Variants in PAMR1 observed in about 807,000 individuals in gnomAD.
The protein encoded by PAMR1 is inactive serine protease PAMR1.
In PAMR1, 88 loss-of-function variants were observed where a neutral mutation model predicts 81.8. That is an observed-to-expected ratio of 1.08 (90% CI 0.91 to 1.28). PAMR1 has a LOEUF of 1.28. Ranked by LOEUF, PAMR1 falls within the 50% of genes most tolerant of loss-of-function variation. The pLI, the probability that PAMR1 is intolerant of heterozygous loss-of-function variation, is 0.00. For missense variants in PAMR1, 935 were observed against 919.7 expected (o/e 1.02, Z -0.21); for synonymous variants, 336 against 345.3 (o/e 0.97, Z 0.30).
intron 1 of PAMR1, among the ~76,000 whole-genome samples, chr11:35,495,686 C>A (rs1361436559): frequency 1.3e-5 from 2 of 152,176 alleles, no homozygotes; most frequent in African/African-American, 2.4e-5. Flanking sequence ...TGAATTCTAG[C>A]ACCTGCAGTG....
chr11:35,526,439 C>T (rs1851392011), upstream of PAMR1, among the ~76,000 whole-genome samples: 5 of 152,176 alleles, frequency 3.3e-5, no homozygotes, highest in South Asian at 1.0e-3. Flanking sequence ...TACAAGATAG[C>T]AAGTGACATC....
At chr11:35,525,276 C>T (rs1055217119) in intron 1 of PAMR1, among the ~76,000 whole-genome samples, 6 of 152,252 alleles carry the variant, frequency 3.9e-5, no homozygotes, top group African/African-American at 1.4e-4. Flanking sequence ...TACAGCCCCA[C>T]GATTTGGGAT....
Position 35,432,911 on chromosome 11 carries a change from G to C in PAMR1, c.1627-19C>G, listed in dbSNP as rs1235171527. The C allele has an allele frequency of 6.5e-7, 1 of 1,547,096 alleles. No individual in the cohort carries two copies. Among genetic ancestry groups the C allele is most frequent in the Non-Finnish European group, 8.7e-7 (1 of 1,149,716 alleles). On this transcript the variant is annotated intron_variant, in intron 10 of 10. Coordinates refer to ENST00000619888, the MANE Select transcript of PAMR1 (RefSeq NM_001001991.3). Reference sequence around the variant, plus strand: ...CAGAAATCTACAAATGCAAGGAATGGGCAGCAATGGTGAGGAGCCAGCTCC... The same window carrying C: ...CAGAAATCTACAAATGCAAGGAATGCGCAGCAATGGTGAGGAGCCAGCTCC...
chr11:35,493,075 TC>T (rs1850659701), intron 2 of PAMR1, among the ~76,000 whole-genome samples: 1 of 152,092 alleles, frequency 6.6e-6, no homozygotes, highest in Non-Finnish European at 1.5e-5. Flanking sequence ...GTTCTTCCCT[TC>T]CCTCTCCTAT....
At chr11:35,494,295 G>A (rs1322885803) in intron 1 of PAMR1, 23 bp from the exon 2 acceptor site, 6 of 1,603,828 alleles carry the variant, frequency 3.7e-6, no homozygotes, top group Non-Finnish European at 5.1e-6. Flanking sequence ...ACCAGCAGGT[G>A]AGGCTAGGTC....
intron 1 of PAMR1, among the ~76,000 whole-genome samples, chr11:35,513,076 C>T (rs1216604670): frequency 6.6e-6 from 1 of 152,216 alleles, no homozygotes; most frequent in Non-Finnish European, 1.5e-5. Context: ...CAATCATGCT[C>T]TGAGTCTTAT....
At chr11:35,507,314 T>C (rs769394538) in intron 1 of PAMR1, among the ~76,000 whole-genome samples, 9 of 152,132 alleles carry the variant, frequency 5.9e-5, no homozygotes, top group Non-Finnish European at 1.0e-4. Context: ...CCCAAAGCAC[T>C]GGGATTACAC....
rs1382150045 is a variant in PAMR1 at position 35,492,250 on chromosome 11, C to T, written c.251-77G>A. The T allele has an allele frequency of 1.5e-5, 23 of 1,512,042 alleles. No homozygotes were observed. In the South Asian group the frequency reaches 2.4e-4, roughly 16 times the overall value. 93.7% of individuals were successfully genotyped at this position (1,512,042 alleles called of 1,614,324 possible). On this transcript the variant is annotated intron_variant, in intron 2 of 10. Transcript: ENST00000619888. ...GATCAGCTGCATGGGAGCACAACTGCACCTTCTCAGGGCCCTGTCTCAACT... is the reference window on the plus strand; with the variant it reads ...GATCAGCTGCATGGGAGCACAACTGTACCTTCTCAGGGCCCTGTCTCAACT...
intron 8 of PAMR1, among the ~76,000 whole-genome samples, chr11:35,437,527 C>A (rs1856077367): frequency 6.6e-6 from 1 of 152,214 alleles, no homozygotes; most frequent in Admixed American, 6.5e-5. Flanking sequence ...CCTGAACTTG[C>A]AAACAAACTC....
rs145222740 is a variant in PAMR1, at chr11:35,432,701, G to T, written c.1818C>A (p.Asp606Glu). 1.4e-5 allele frequency: 22 copies of T among 1,613,624 alleles called. No individual in the cohort carries two copies. The African/African-American group carries it at 2.5e-4, about 19-fold the overall frequency. Residue 606 changes from aspartate (D) to glutamate (E), a missense_variant, in exon 11 of 11, where the codon GAC becomes GAA. Physicochemically the swap from Asp to Glu is conservative, Grantham distance 45 (BLOSUM62 2). Coordinates refer to ENST00000619888, the MANE Select transcript of PAMR1 (RefSeq NM_001001991.3). ...CGTTCTTGAAGCCAGGGCTCCTCAC[G>T]TCTGCCAGGACATTCCAGCCAGCCA... ...ITVAGWNVLA[D>E]VRSPGFKNDT...
At chr11:35,508,376 T>C (rs894603920) in intron 1 of PAMR1, among the ~76,000 whole-genome samples, 21 of 152,154 alleles carry the variant, frequency 1.4e-4, no homozygotes, top group Admixed American at 1.3e-3. Flanking sequence ...TCTGTGGCCC[T>C]TGAAACTCAG....
chr11:35,443,496 A>C (rs1425125804), intron 6 of PAMR1, among the ~76,000 whole-genome samples: 4 of 152,172 alleles, frequency 2.6e-5, no homozygotes, highest in African/African-American at 9.7e-5. Context: ...TGCTGAGGAT[A>C]ATGGCTTCTA....
intron 6 of PAMR1, among the ~76,000 whole-genome samples, chr11:35,456,267 TG>T (rs1856530672): frequency 6.6e-6 from 1 of 152,206 alleles, no homozygotes; most frequent in Non-Finnish European, 1.5e-5. Flanking sequence ...GGTCCTTAGA[TG>T]AATTTGAATG....
At chr11:35,491,099 C>T (rs957563374) in intron 3 of PAMR1, among the ~76,000 whole-genome samples, 1 of 152,166 alleles carries the variant, frequency 6.6e-6, no homozygotes, top group African/African-American at 2.4e-5. Flanking sequence ...AAATCAGCAA[C>T]GAAGACCAAC....
intron 4 of PAMR1, 115 bp from the exon 5 acceptor site, chr11:35,470,933 G>C (rs951676289): frequency 4.2e-6 from 3 of 711,946 alleles, no homozygotes; most frequent in Non-Finnish European, 7.3e-6. Flanking sequence ...GGTGTCACTG[G>C]CCTGATCGGA....
In PAMR1 at chr11:35,432,420, C is replaced by T. The variant is rs1449948652; in HGVS notation, c.2099G>A (p.Arg700Lys). 6.2e-7 allele frequency: 1 copy of T among 1,614,138 alleles called. No homozygotes were observed. The highest frequency in any genetic ancestry group is 2.2e-5 in the East Asian group (1 of 44,886). The change falls in exon 11 of 11, where the codon AGG becomes AAG. Residue 700 changes from arginine to lysine, a missense_variant. Transcript: ENST00000619888. ...SWSYDKTCSH[R>K]LSTAFTKVLP... Reference sequence around the variant, plus strand: ...CACCTTGGTGAAGGCAGTGGAGAGCCTGTGGCTGCATGTTTTATCATAGCT... The same window carrying T: ...CACCTTGGTGAAGGCAGTGGAGAGCTTGTGGCTGCATGTTTTATCATAGCT...
chr11:35,455,735 C>T (rs1037829288), intron 6 of PAMR1, among the ~76,000 whole-genome samples: 1 of 152,026 alleles, frequency 6.6e-6, no homozygotes, highest in Non-Finnish European at 1.5e-5. Flanking sequence ...TTAATGAGTG[C>T]CTCCTCTGTG....
At chr11:35,443,750 T>A (rs1011066612) in intron 6 of PAMR1, among the ~76,000 whole-genome samples, 1 of 152,244 alleles carries the variant, frequency 6.6e-6, no homozygotes, top group Non-Finnish European at 1.5e-5. Context: ...TCAAATGGTA[T>A]TTCTGGTGCT....
chr11:35,465,408 C>T (rs149817532), intron 6 of PAMR1, among the ~76,000 whole-genome samples: 6 of 152,224 alleles, frequency 3.9e-5, no homozygotes, highest in African/African-American at 9.6e-5. Flanking sequence ...AAAGAATTCC[C>T]GCCAGGATGT....
Sources: allele counts gnomAD v4.1 joint callset (sites outside exome capture counted in the v4.1 genomes callset), GRCh38; gene constraint gnomAD v4.1.1; transcripts MANE v1.5; gene names NCBI Gene and HGNC (gene_info 2026-07-23, HGNC 2026-07-21).